TRRAP: variants seen among roughly 807,000 people sequenced by gnomAD.
TRRAP encodes transformation/transcription domain-associated protein.
A neutral mutation model predicts 438.8 loss-of-function variants in TRRAP; 41 were observed. The ratio of observed to expected loss-of-function variants is 0.09; its 90% CI spans 0.07 to 0.12. TRRAP has a LOEUF of 0.12. TRRAP is among the 10% of genes least tolerant of loss of function. TRRAP has a pLI of 1.00. For synonymous variants in TRRAP, 1,994 were observed against 1,962.9 expected (o/e 1.02, Z -0.42); for missense variants, 3,122 against 5,055.1 (o/e 0.62, Z 11.60).
intron 23 of TRRAP, among the ~76,000 whole-genome samples, chr7:98,928,277 C>T (rs1358490028): frequency 1.3e-5 from 2 of 152,030 alleles, no homozygotes; most frequent in Non-Finnish European, 2.9e-5. Flanking sequence ...ATGCCACTGC[C>T]AGTTGCTACA....
chr7:98,898,032 G>A (rs1796301885), intron 8 of TRRAP, among the ~76,000 whole-genome samples, 166 bp downstream of exon 8: 1 of 152,144 alleles, frequency 6.6e-6, no homozygotes, highest in Admixed American at 6.5e-5. Flanking sequence ...GGGTGAAAGT[G>A]ACCTTTTGGG....
intron 52 of TRRAP, among the ~76,000 whole-genome samples, chr7:98,971,160 T>C (rs1178760010): frequency 6.6e-6 from 1 of 152,236 alleles, no homozygotes; most frequent in African/African-American, 2.4e-5. Flanking sequence ...AAAATTTTTT[T>C]CCTTTTTTTA....
rs773244623 is a variant in TRRAP, at chr7:98,976,665, G to A, written c.8142G>A (p.Thr2714=). ...CACACAACCTCTGGTTCCGGTCCAC[G>A]CTGATGTTGGAGCACCAGGCTTTTG... ...GKTHNLWFRS[T]LMLEHQAFEK... is the part of the protein sequence containing the mutation. Residue 2714 remains threonine, a synonymous_variant, in exon 55 of 73, where the codon ACG becomes ACA. Coordinates refer to ENST00000456197, the MANE Select transcript of TRRAP (RefSeq NM_001375524.1). This position sits in a 1 kb window ranked among gnomAD's most constrained non-coding sequence, Gnocchi z 4.6. 8.7e-6 allele frequency: 14 copies of A among 1,614,036 alleles called. No individual in the cohort carries two copies. Among genetic ancestry groups the A allele is most frequent in the Middle Eastern group, 1.6e-4 (1 of 6,084 alleles).
In TRRAP at chr7:98,963,176, G is replaced by A. The variant is rs117358550; in HGVS notation, c.6829+749G>A. Among the ~76,000 whole-genome samples, 1,744 of 152,274 alleles carry A rather than the reference G, an allele frequency of 0.011. 62 individuals are homozygous for A. The South Asian group carries it at 0.12, about 11-fold the overall frequency. On this transcript the variant is annotated intron_variant, in intron 47 of 72. Transcript: ENST00000456197. ...TATAGATAGCCCTTGTTAGGCAAAC[G>A]CTTTTCTGAATTTGCCAACTGAATA...
intron 4 of TRRAP, 46 bp downstream of exon 4, chr7:98,890,491 G>A (rs548520887): frequency 1.4e-6 from 2 of 1,398,194 alleles, no homozygotes; most frequent in South Asian, 1.4e-5. Flanking sequence ...CTGTGGGATT[G>A]TGACCAGTTA....
chr7:98,936,166 C>T (rs1790545958), intron 28 of TRRAP, among the ~76,000 whole-genome samples: 1 of 152,190 alleles, frequency 6.6e-6, no homozygotes, highest in South Asian at 2.1e-4. Context: ...CATTTTCTTT[C>T]TAGTGGGGAG....
chr7:98,897,765 G>A lies in TRRAP; in HGVS notation c.532G>A (p.Val178Met), dbSNP rs782754249. The change falls in exon 8 of 73, where the codon GTG becomes ATG. Residue 178 changes from valine (V) to methionine (M), a missense_variant. Around this residue, in one of 24 missense-constraint regions of TRRAP, gnomAD observed 343 missense variants for 564.0 expected, o/e 0.61. Coordinates refer to ENST00000456197, the MANE Select transcript of TRRAP (RefSeq NM_001375524.1). ...VVNRYFENPQ[V>M]IPENTVPPPE... ...GAACCGCTACTTTGAGAACCCTCAA[G>A]TGATCCCCGAGAACACAGTGCCTCC... The A allele has an allele frequency of 4.0e-5, 64 of 1,613,392 alleles. No homozygotes were observed. The highest frequency in any genetic ancestry group is 5.3e-5 in the Non-Finnish European group (62 of 1,179,910).
intron 52 of TRRAP, 25 bp downstream of exon 52, chr7:98,970,316 G>T: frequency 1.2e-6 from 2 of 1,606,224 alleles, no homozygotes; most frequent in Non-Finnish European, 1.7e-6. Context: ...CCCACAGGCA[G>T]AATCCCAGAG....
intron 59 of TRRAP, 112 bp downstream of exon 59, chr7:98,982,072 T>A: frequency 8.9e-7 from 1 of 1,120,108 alleles, no homozygotes; most frequent in Non-Finnish European, 1.2e-6. Flanking sequence ...AAACTCCTTC[T>A]GCTTGTCTTG....
At chr7:98,886,437 T>C (rs142547577) in intron 3 of TRRAP, among the ~76,000 whole-genome samples, 17,011 of 150,388 alleles carry the variant, frequency 0.11, 3,238 homozygotes, top group African/African-American at 0.39. Flanking sequence ...TAGAGAGATA[T>C]AGATATCTAG....
intron 67 of TRRAP, among the ~76,000 whole-genome samples, chr7:99,003,139 C>T (rs1794010046): frequency 6.6e-6 from 1 of 152,126 alleles, no homozygotes; most frequent in Non-Finnish European, 1.5e-5. Flanking sequence ...TGGTTGGGTT[C>T]GTCCTGACCT....
At chr7:98,966,880 G>A (rs1368491246) in intron 49 of TRRAP, among the ~76,000 whole-genome samples, 161 bp from the exon 50 acceptor site, 1 of 152,084 alleles carries the variant, frequency 6.6e-6, no homozygotes, top group Non-Finnish European at 1.5e-5. Flanking sequence ...AATTACATTG[G>A]CATGTCTTGA....
At position 98,994,010 on chromosome 7, in the gene TRRAP, G is replaced by C. The variant is rs184687448; in HGVS notation, c.10047+273G>C. 7.2e-5 allele frequency among the ~76,000 whole-genome samples: 11 copies of C among 152,340 alleles called. No homozygotes were observed. The highest frequency in any genetic ancestry group is 1.2e-4 in the Non-Finnish European group (8 of 68,010). On this transcript the variant is annotated intron_variant, in intron 66 of 72. Transcript: ENST00000456197. The surrounding 1 kb of genome is among the most constrained non-coding windows in gnomAD (Gnocchi z 4.8). ...CTCATGTCCCTGAGCTCAGTGACCT[G>C]AGTGCCACTGTTAACCAGGTGTGAG...
chr7:98,950,029 C>CT, intron 37 of TRRAP, 35 bp from the exon 38 acceptor site: 2 of 1,611,404 alleles, frequency 1.2e-6, no homozygotes, highest in Non-Finnish European at 1.7e-6. Flanking sequence ...GAAATTTGCT[C>CT]TAAGTTAACC....
chr7:98,975,835 C>A, intron 53 of TRRAP: 1 of 259,518 alleles, frequency 3.9e-6, no homozygotes, highest in Non-Finnish European at 7.2e-6. Context: ...TCAGTCTTGT[C>A]AGTGTTTTTG....
chr7:98,950,849 C>A, intron 38 of TRRAP, 27 bp from the exon 39 acceptor site: 1 of 1,498,862 alleles, frequency 6.7e-7, no homozygotes, highest in Non-Finnish European at 8.9e-7. Context: ...TTGTTTTTCT[C>A]CTTCTTTATT....
At position 99,004,442 on chromosome 7, in the gene TRRAP, A is replaced by C. The variant is rs771917386; in HGVS notation, c.10535+27A>C. On this transcript the variant is annotated intron_variant, in intron 68 of 72. Transcript: ENST00000456197. ...TGAGTGGGCCAGCCTGGCAGGTGGA[A>C]CTAACCCACGGCGCCCATGGACATG... 3.7e-6 allele frequency: 6 copies of C among 1,601,638 alleles called. No homozygotes were observed. In the East Asian group the frequency reaches 1.3e-4, roughly 36 times the overall value.
In TRRAP at chr7:98,976,515, C is replaced by T. The variant is rs1792664428; in HGVS notation, c.7992C>T (p.Cys2664=). Reference sequence around the variant, plus strand: ...CGGGTGAGATAAGTCCATTTCTGTGCAGCGGCAGTCACCAGGTGCAGCGGG... The same window carrying T: ...CGGGTGAGATAAGTCCATTTCTGTGTAGCGGCAGTCACCAGGTGCAGCGGG... ...ALAGEISPFL[C]SGSHQVQRDC... The change falls in exon 55 of 73, where the codon TGC becomes TGT. Residue 2664 remains cysteine, a synonymous_variant. Coordinates refer to ENST00000456197, the MANE Select transcript of TRRAP (RefSeq NM_001375524.1). The surrounding 1 kb of genome is among the most constrained non-coding windows in gnomAD (Gnocchi z 4.6). 6.2e-7 allele frequency: 1 copy of T among 1,612,502 alleles called. No individual in the cohort carries two copies. Among genetic ancestry groups the T allele is most frequent in the Non-Finnish European group, 8.5e-7 (1 of 1,180,020 alleles).
At chr7:98,977,116 G>A (rs1428650415) in intron 56 of TRRAP, 40 bp downstream of exon 56, 4 of 1,611,668 alleles carry the variant, frequency 2.5e-6, no homozygotes, top group Non-Finnish European at 3.4e-6. Flanking sequence ...TGTGTAATGA[G>A]AGGTCATTTA....
Sources: gnomAD v4.1 joint callset for allele counts (sites outside exome capture counted in the v4.1 genomes callset) on GRCh38, gnomAD v4.1.1 for gene constraint, gnomAD v4.1.1 regional missense constraint, Gnocchi (gnomAD v3.1) non-coding constraint, MANE v1.5 for transcripts, NCBI Gene and HGNC (gene_info 2026-07-23, HGNC 2026-07-21) for gene names.